Variants in RGS18 observed in about 807,000 individuals in gnomAD.
The protein encoded by RGS18 is regulator of G protein signaling 18.
A neutral mutation model predicts 27.6 loss-of-function variants in RGS18; 22 were observed. The observed-to-expected ratio is 0.80, with a 90% CI of 0.57 to 1.14. RGS18 has a LOEUF of 1.14. Ranked by LOEUF, RGS18 falls within the 50% of genes most tolerant of loss-of-function variation. The pLI is 0.00. For synonymous variants in RGS18, 89 were observed against 84.6 expected, an observed-to-expected ratio of 1.05 and a Z score of -0.29; for missense variants, 299 against 269.6, an observed-to-expected ratio of 1.11 and a Z score of -0.76.
In RGS18 at chr1:192,181,456, G is replaced by T. The variant is rs140969834; in HGVS notation, c.448G>T (p.Glu150Ter). Residue 150 changes from glutamate to a stop codon, truncating the protein, a stop_gained and splice_region_variant, in exon 4 of 5, where the codon GAG (glutamate) becomes TAG (stop). Coordinates refer to ENST00000367460, the MANE Select transcript of RGS18 (RefSeq NM_130782.3). LOFTEE classifies it high-confidence loss of function. Reference protein sequence around the residue: ...EKFIQTDAPKEVNLDFHTKEV... With the variant: ...EKFIQTDAPK ...ATTTATACAGACTGATGCCCCAAAAGAGGTACAGTAAAGATAACTGTAAAA... is the reference window on the plus strand; with the variant it reads ...ATTTATACAGACTGATGCCCCAAAATAGGTACAGTAAAGATAACTGTAAAA... 1 of 1,535,796 alleles carries T rather than the reference G, an allele frequency of 6.5e-7. No homozygotes were observed. The highest frequency in any genetic ancestry group is 8.7e-7 in the Non-Finnish European group (1 of 1,149,356).
At chr1:192,167,704 C>A (rs542902440) in intron 3 of RGS18, 1 of 152,220 alleles carries the variant, frequency 6.6e-6, no homozygotes, top group Non-Finnish European at 1.5e-5. Context: ...CAGGCATGAG[C>A]CACCATGCCT....
At chr1:192,175,805 A>G (rs898367405) in intron 3 of RGS18, among the ~76,000 whole-genome samples, 1 of 151,850 alleles carries the variant, frequency 6.6e-6, no homozygotes, top group Non-Finnish European at 1.5e-5. Flanking sequence ...TAAGCCCCCT[A>G]TGTCTTGGGC....
chr1:192,176,791 A>C (rs924035379), intron 3 of RGS18, among the ~76,000 whole-genome samples: 3 of 151,790 alleles, frequency 2.0e-5, no homozygotes, highest in African/African-American at 7.2e-5. Flanking sequence ...TTAATAAAAT[A>C]GTTGAACAAA....
chr1:192,167,426 CTT>C (rs887069789), intron 3 of RGS18, among the ~76,000 whole-genome samples: 1 of 145,954 alleles, frequency 6.9e-6, no homozygotes. Context: ...AAGCACTCAA[CTT>C]TTTTTTTTTT....
chr1:192,181,802 CCTAT>C (rs755821759), intron 4 of RGS18, among the ~76,000 whole-genome samples: 22 of 151,582 alleles, frequency 1.5e-4, no homozygotes, highest in Non-Finnish European at 2.8e-4. Context: ...ACTTATTCTT[CCTAT>C]CTATCTCTGT....
intron 4 of RGS18, 29 bp downstream of exon 4, chr1:192,181,487 T>C: frequency 7.0e-7 from 1 of 1,436,178 alleles, no homozygotes; most frequent in Non-Finnish European, 9.2e-7. Flanking sequence ...TAAAAATGCA[T>C]AATTGCTTTC....
intron 3 of RGS18, among the ~76,000 whole-genome samples, chr1:192,163,961 T>A (rs1036559540): frequency 6.6e-6 from 1 of 151,834 alleles, no homozygotes; most frequent in Non-Finnish European, 1.5e-5. Context: ...TCAAATTTCC[T>A]TTTATAAAAT....
intron 3 of RGS18, among the ~76,000 whole-genome samples, chr1:192,165,059 A>G (rs750520072): frequency 7.2e-5 from 11 of 152,228 alleles, no homozygotes; most frequent in Middle Eastern, 3.4e-3. Context: ...TGGGTAAGAG[A>G]AATATCACTG....
chr1:192,158,970 C>A (rs1252931228), intron 1 of RGS18, among the ~76,000 whole-genome samples: 2 of 151,836 alleles, frequency 1.3e-5, no homozygotes, highest in African/African-American at 4.8e-5. Context: ...ATAATGTTAG[C>A]CACATAGAGG....
intron 3 of RGS18, among the ~76,000 whole-genome samples, chr1:192,173,164 G>A (rs1465893074): frequency 1.3e-5 from 2 of 151,526 alleles, no homozygotes; most frequent in African/African-American, 4.8e-5. Context: ...CTAACCATGA[G>A]GAATAGTTCT....
intron 3 of RGS18, among the ~76,000 whole-genome samples, chr1:192,166,423 A>T (rs1302520950): frequency 6.6e-6 from 1 of 152,176 alleles, no homozygotes; most frequent in Admixed American, 6.5e-5. Context: ...GGCAAAGAAT[A>T]ATAAACACAT....
chr1:192,173,265 G>T (rs1656295268), intron 3 of RGS18, among the ~76,000 whole-genome samples: 1 of 151,876 alleles, frequency 6.6e-6, no homozygotes, highest in African/African-American at 2.4e-5. Context: ...ACTTTTTTCA[G>T]CCATAATGCC....
At chr1:192,162,503 G>T (rs565235206) in intron 3 of RGS18, among the ~76,000 whole-genome samples, 1 of 151,820 alleles carries the variant, frequency 6.6e-6, no homozygotes. Flanking sequence ...TATTGGTCTC[G>T]AACACCTGAC....
At chr1:192,175,815 C>T (rs564813364) in intron 3 of RGS18, among the ~76,000 whole-genome samples, 2 of 151,958 alleles carry the variant, frequency 1.3e-5, no homozygotes, top group African/African-American at 4.8e-5. Context: ...ATGTCTTGGG[C>T]TACAATTTTG....
Position 192,172,796 on chromosome 1 carries a change from C to T in RGS18, c.284-8496C>T, listed in dbSNP as rs139627324. ...TTCCCACAGTTCCTGGAGATTAGGG[C>T]ATGAACACCTTTGGAGGGTTATTTC... On this transcript the variant is annotated intron_variant, in intron 3 of 4. Transcript: ENST00000367460. Among the ~76,000 whole-genome samples, 195 of 150,318 alleles carry T rather than the reference C, an allele frequency of 1.3e-3. 2 individuals are homozygous for T. The highest frequency in any genetic ancestry group is 4.4e-3 in the African/African-American group (183 of 41,142).
At chr1:192,184,173 C>T in intron 4 of RGS18, 124 bp from the exon 5 acceptor site, 1 of 832,732 alleles carries the variant, frequency 1.2e-6, no homozygotes, top group Non-Finnish European at 1.9e-6. Context: ...CTACACACAT[C>T]CAAACTATAT....
At chr1:192,176,920 C>G (rs940412364) in intron 3 of RGS18, among the ~76,000 whole-genome samples, 1 of 151,780 alleles carries the variant, frequency 6.6e-6, no homozygotes, top group Non-Finnish European at 1.5e-5. Context: ...ACCACAAACT[C>G]TAGCTTCACA....
At chr1:192,173,173 C>A (rs1656293591) in intron 3 of RGS18, among the ~76,000 whole-genome samples, 1 of 151,604 alleles carries the variant, frequency 6.6e-6, no homozygotes, top group Non-Finnish European at 1.5e-5. Flanking sequence ...AGGAATAGTT[C>A]TAGACAGCTG....
intron 3 of RGS18, among the ~76,000 whole-genome samples, chr1:192,164,265 A>G (rs1656124467): frequency 6.6e-6 from 1 of 152,166 alleles, no homozygotes; most frequent in South Asian, 2.1e-4. Flanking sequence ...AAGAATCAGT[A>G]TAGGAATGGG....
Sources: gnomAD v4.1 joint callset for allele counts (sites outside exome capture counted in the v4.1 genomes callset) on GRCh38, gnomAD v4.1.1 for gene constraint, MANE v1.5 for transcripts, NCBI Gene and HGNC (gene_info 2026-07-23, HGNC 2026-07-21) for gene names.